The following CREB5 variants were observed in gnomAD, a reference collection of about 807,000 sequenced individuals.
CREB5 encodes the protein cyclic AMP-responsive element-binding protein 5.
A neutral mutation model predicts 57.1 loss-of-function variants in CREB5; 19 were observed. That is an observed-to-expected ratio of 0.33 (90% CI 0.23 to 0.49). The LOEUF is 0.49. Among genes scored for constraint, CREB5 ranks in the 20% least tolerant of loss-of-function variants. The pLI, the probability that CREB5 is intolerant of heterozygous loss-of-function variation, is 0.99. For synonymous variants in CREB5, 238 were observed against 238.3 expected (o/e 1.00, Z 0.01); for missense variants, 579 against 671.6 (o/e 0.86, Z 1.52).
intron 2 of CREB5, among the ~76,000 whole-genome samples, chr7:28,488,551 T>C (rs546871429): frequency 6.6e-6 from 1 of 152,374 alleles, no homozygotes; most frequent in African/African-American, 2.4e-5. Context: ...AGGGCCATCA[T>C]TTCAGAAAGA....
intron 1 of CREB5, among the ~76,000 whole-genome samples, chr7:28,346,016 G>A (rs1223433255): frequency 2.0e-5 from 3 of 152,136 alleles, no homozygotes; most frequent in South Asian, 4.1e-4. Context: ...CACATTATCC[G>A]AAGGGGGGCA....
At chr7:28,346,931 AT>A (rs1289356381) in intron 1 of CREB5, among the ~76,000 whole-genome samples, 1 of 152,154 alleles carries the variant, frequency 6.6e-6, no homozygotes, top group East Asian at 1.9e-4. Context: ...ACATAATATT[AT>A]ATTAAGTACC....
Position 28,631,280 on chromosome 7 carries a change from C to T in CREB5, c.464+60743C>T, listed in dbSNP as rs114357773. Among the ~76,000 whole-genome samples the T allele has an allele frequency of 2.4e-3, 367 of 152,266 alleles. 1 individual carries two copies. Among genetic ancestry groups the T allele is most frequent in the African/African-American group, 8.3e-3 (343 of 41,552 alleles). On this transcript the variant is annotated intron_variant, in intron 5 of 10. Transcript: ENST00000357727. ...ACCCTTCACAGCTGTTTGTGAGTTG[C>T]CTTCTGTGTGGAGTGTAATCAAAAC...
intron 5 of CREB5, among the ~76,000 whole-genome samples, chr7:28,571,808 G>C (rs1282212424): frequency 6.6e-6 from 1 of 152,218 alleles, no homozygotes; most frequent in Admixed American, 6.5e-5. Flanking sequence ...GGGTTCTTAG[G>C]AAGAAAAGGT....
chr7:28,502,519 AC>A (rs1792312661), intron 3 of CREB5, among the ~76,000 whole-genome samples: 1 of 152,172 alleles, frequency 6.6e-6, no homozygotes, highest in Non-Finnish European at 1.5e-5. Context: ...CTATTAGGCC[AC>A]CTTTTTGTTT....
At chr7:28,765,477 C>G (rs1333498197) in intron 7 of CREB5, among the ~76,000 whole-genome samples, 1 of 152,150 alleles carries the variant, frequency 6.6e-6, no homozygotes, top group Non-Finnish European at 1.5e-5. Flanking sequence ...TGGTATTCCT[C>G]TCTCAAGTGG....
At chr7:28,809,640 C>A (rs1808982922) in intron 9 of CREB5, among the ~76,000 whole-genome samples, 1 of 152,186 alleles carries the variant, frequency 6.6e-6, no homozygotes. Context: ...GAAGGGGGGA[C>A]CTACCCCACT....
intron 5 of CREB5, among the ~76,000 whole-genome samples, chr7:28,574,541 A>T (rs186789606): frequency 4.1e-4 from 63 of 152,366 alleles, no homozygotes; most frequent in African/African-American, 1.5e-3. Flanking sequence ...AAGTGATAGT[A>T]TATAATTTAC....
intron 1 of CREB5, among the ~76,000 whole-genome samples, chr7:28,463,874 A>G (rs985771932): frequency 2.0e-5 from 3 of 152,090 alleles, no homozygotes; most frequent in Non-Finnish European, 4.4e-5. Flanking sequence ...GTGAATAGAG[A>G]TAGTTTTAAT....
At chr7:28,488,341 C>T in intron 2 of CREB5, 95 bp downstream of exon 2, 2 of 1,080,636 alleles carry the variant, frequency 1.9e-6, no homozygotes, top group Non-Finnish European at 2.8e-6. Context: ...CCTGGGCTTT[C>T]CTTCTTTACC....
intron 4 of CREB5, among the ~76,000 whole-genome samples, chr7:28,537,607 C>T (rs999032793): frequency 5.3e-5 from 8 of 152,090 alleles, no homozygotes; most frequent in Admixed American, 2.0e-4. Flanking sequence ...AGCTGCTTGA[C>T]GTTCTGTGGG....
intron 7 of CREB5, among the ~76,000 whole-genome samples, chr7:28,775,126 C>T (rs1447133654): frequency 2.0e-5 from 3 of 152,106 alleles, no homozygotes; most frequent in Admixed American, 6.5e-5. Context: ...GAAGCTGAAA[C>T]CTAAAATACG....
rs537138048 is a variant in CREB5 at position 28,461,130 on chromosome 7, G to A, written c.4-27045G>A. ...CCCAGCTACTTGGGAGGCTGAGGCA[G>A]GAGTACCGTTTGGGTCCAGGGGTTC... On this transcript the variant is annotated intron_variant, in intron 1 of 10. Transcript: ENST00000357727. Among the ~76,000 whole-genome samples the A allele has an allele frequency of 8.8e-5, 4 of 45,618 alleles. No homozygotes were observed. In the South Asian group the frequency reaches 4.6e-3, roughly 52 times the overall value. 29.9% of individuals were successfully genotyped at this position (45,618 alleles called of 152,430 possible).
intron 1 of CREB5, among the ~76,000 whole-genome samples, chr7:28,357,829 G>A (rs1478107665): frequency 6.6e-6 from 1 of 152,194 alleles, no homozygotes; most frequent in Non-Finnish European, 1.5e-5. Context: ...TTTTATTAAG[G>A]AATTCTTGGA....
intron 4 of CREB5, among the ~76,000 whole-genome samples, chr7:28,567,362 T>G (rs1367437768): frequency 6.6e-6 from 1 of 152,212 alleles, no homozygotes; most frequent in Non-Finnish European, 1.5e-5. Flanking sequence ...ATTAGCACTC[T>G]CGAAAATTGA....
At chr7:28,560,449 T>G (rs1246417730) in intron 4 of CREB5, among the ~76,000 whole-genome samples, 1 of 151,906 alleles carries the variant, frequency 6.6e-6, no homozygotes, top group East Asian at 1.9e-4. Context: ...AGCTGGAGAG[T>G]AGCATTAGGA....
At chr7:28,627,339 G>T (rs780655828) in intron 5 of CREB5, among the ~76,000 whole-genome samples, 1 of 152,248 alleles carries the variant, frequency 6.6e-6, no homozygotes, top group Non-Finnish European at 1.5e-5. Flanking sequence ...TACTTGAACC[G>T]TTCGTTTGAA....
chr7:28,474,923 C>T (rs1056270027), intron 1 of CREB5, among the ~76,000 whole-genome samples: 8 of 152,124 alleles, frequency 5.3e-5, no homozygotes, highest in East Asian at 1.9e-4. Flanking sequence ...AGATTAAAAA[C>T]GCCTGACACA....
chr7:28,733,119 G>T (rs10269782), intron 7 of CREB5, among the ~76,000 whole-genome samples: 10 of 152,088 alleles, frequency 6.6e-5, no homozygotes, highest in Admixed American at 6.5e-4. Context: ...AGGAGGATGA[G>T]ATTTTAATCC....
Sources: gnomAD v4.1 joint callset for allele counts (sites outside exome capture counted in the v4.1 genomes callset) on GRCh38, gnomAD v4.1.1 for gene constraint, MANE v1.5 for transcripts, NCBI Gene and HGNC (gene_info 2026-07-23, HGNC 2026-07-21) for gene names.